The following KIRREL3 variants were observed in gnomAD, a reference collection of about 807,000 sequenced individuals.
KIRREL3 encodes the protein kirre like nephrin family adhesion molecule 3.
In KIRREL3, 36 loss-of-function variants were observed where a neutral mutation model predicts 89.7. That is an observed-to-expected ratio of 0.40 (90% CI 0.31 to 0.53). KIRREL3 has a LOEUF of 0.53. Among genes scored for constraint, KIRREL3 ranks in the 20% least tolerant of loss-of-function variants. KIRREL3 has a pLI of 0.49. For synonymous variants in KIRREL3, 445 were observed against 441.4 expected, an observed-to-expected ratio of 1.01 and a Z score of -0.10; for missense variants, 864 against 1,056.6, an observed-to-expected ratio of 0.82 and a Z score of 2.53.
rs1314757504 is a variant in KIRREL3, at chr11:126,685,617, G to A, written c.56-122705C>T. On this transcript the variant is annotated intron_variant, in intron 1 of 16. Coordinates refer to ENST00000525144, the MANE Select transcript of KIRREL3 (RefSeq NM_032531.4). This position sits in a 1 kb window ranked among gnomAD's most constrained non-coding sequence, Gnocchi z 5.5. ...CCAGGGCAGGCTTGGCACTTCCCAG[G>A]ATTACAGTCATAATGGTAACAGATA... Among the ~76,000 whole-genome samples the A allele has an allele frequency of 1.3e-5, 2 of 152,184 alleles. No individual in the cohort carries two copies.
intron 1 of KIRREL3, among the ~76,000 whole-genome samples, chr11:126,893,556 C>A (rs533997768): frequency 6.6e-6 from 1 of 152,268 alleles, no homozygotes; most frequent in East Asian, 1.9e-4. Context: ...GAACCGGCCA[C>A]CTGAAGGTCT....
At position 126,650,110 on chromosome 11, in the gene KIRREL3, G is replaced by A. The variant is rs374714694; in HGVS notation, c.56-87198C>T. Among the ~76,000 whole-genome samples, 19 of 152,310 alleles carry A rather than the reference G, an allele frequency of 1.2e-4. No homozygotes were observed. In the South Asian group the frequency reaches 3.9e-3, roughly 32 times the overall value. On this transcript the variant is annotated intron_variant, in intron 1 of 16. Coordinates refer to ENST00000525144, the MANE Select transcript of KIRREL3 (RefSeq NM_032531.4). ...CTTTCAGCCATGGCTGTAGCGGCTGGGATGCAGGGCACCAAGTCCCTAGGC... is the reference window on the plus strand; with the variant it reads ...CTTTCAGCCATGGCTGTAGCGGCTGAGATGCAGGGCACCAAGTCCCTAGGC...
chr11:126,473,064 CCCCACCATCCTCTTCTCTACCT>C, intron 5 of KIRREL3, among the ~76,000 whole-genome samples: 1 of 96,254 alleles, frequency 1.0e-5, no homozygotes, highest in East Asian at 3.5e-4. Flanking sequence ...TCTCCCCAGC[CCCCACCATCCTCTTCTCTACCT>C]AACCCCCCAG....
chr11:126,429,407 G>T lies in KIRREL3; in HGVS notation c.1697-119C>A. 2 of 692,326 alleles carry T rather than the reference G, an allele frequency of 2.9e-6. No homozygotes were observed. Among genetic ancestry groups the T allele is most frequent in the South Asian group, 1.6e-5 (1 of 62,726 alleles). 42.9% of individuals were successfully genotyped at this position (692,326 alleles called of 1,614,324 possible). ...CCTCTGCATTTCCCCTCCAGCCCCT[G>T]AACTCAGCAGCTTCACCAGCCCCCC... On this transcript the variant is annotated intron_variant, in intron 14 of 16. Coordinates refer to ENST00000525144, the MANE Select transcript of KIRREL3 (RefSeq NM_032531.4). This position sits in a 1 kb window ranked among gnomAD's most constrained non-coding sequence, Gnocchi z 5.2.
rs979160484 is a variant in KIRREL3 at position 126,537,758 on chromosome 11, A to G, written c.134-11071T>C. 9.2e-5 allele frequency among the ~76,000 whole-genome samples: 14 copies of G among 152,228 alleles called. No homozygotes were observed. The highest frequency in any genetic ancestry group is 3.4e-4 in the African/African-American group (14 of 41,466). On this transcript the variant is annotated intron_variant, in intron 2 of 16. Transcript: ENST00000525144. This position sits in a 1 kb window ranked among gnomAD's most constrained non-coding sequence, Gnocchi z 4.3. Reference sequence around the variant, plus strand: ...CCTCCCTGGCAAAGCTGCTGTGAGCATGAGAGGTTTTATATGTAAATGATC... The same window carrying G: ...CCTCCCTGGCAAAGCTGCTGTGAGCGTGAGAGGTTTTATATGTAAATGATC...
rs1308913194 is a variant in KIRREL3 at position 126,890,123 on chromosome 11, T to C, written c.55+110332A>G. Among the ~76,000 whole-genome samples, 2 of 152,324 alleles carry C rather than the reference T, an allele frequency of 1.3e-5. No homozygotes were observed. The highest frequency in any genetic ancestry group is 3.9e-4 in the East Asian group (2 of 5,186). ...GGATGGGTCAGTGCAATCTCTGTAG[T>C]TAAATTCTTGAGTTAAAATGAAGAT... On this transcript the variant is annotated intron_variant, in intron 1 of 16. Transcript: ENST00000525144. This position sits in a 1 kb window ranked among gnomAD's most constrained non-coding sequence, Gnocchi z 5.1.
Position 126,719,835 on chromosome 11 carries a change from G to A in KIRREL3, c.56-156923C>T, listed in dbSNP as rs1948103919. Reference sequence around the variant, plus strand: ...GCATCTGTTGAGGCTCCTGAGAGACGCCCTGCTTCTTCCCTGCTTCAGCCT... The same window carrying A: ...GCATCTGTTGAGGCTCCTGAGAGACACCCTGCTTCTTCCCTGCTTCAGCCT... On this transcript the variant is annotated intron_variant, in intron 1 of 16. Coordinates refer to ENST00000525144, the MANE Select transcript of KIRREL3 (RefSeq NM_032531.4). The surrounding 1 kb of genome is among the most constrained non-coding windows in gnomAD (Gnocchi z 4.7). 6.6e-6 allele frequency among the ~76,000 whole-genome samples: 1 copy of A among 152,128 alleles called. No homozygotes were observed. The highest frequency in any genetic ancestry group is 2.4e-5 in the African/African-American group (1 of 41,394).
At chr11:126,850,164 C>T (rs957285875) in intron 1 of KIRREL3, among the ~76,000 whole-genome samples, 12 of 152,330 alleles carry the variant, frequency 7.9e-5, no homozygotes, top group African/African-American at 2.6e-4. Context: ...GCGGAGACAA[C>T]AGCTCCCATC....
At chr11:126,542,153 T>C (rs1939299) in intron 2 of KIRREL3, among the ~76,000 whole-genome samples, 8,431 of 152,300 alleles carry the variant, frequency 0.055, 687 homozygotes, top group African/African-American at 0.18. Context: ...CGGCGTGCAC[T>C]GAGTGACTCA....
chr11:126,714,517 C>A (rs916838305), intron 1 of KIRREL3, among the ~76,000 whole-genome samples: 2 of 152,198 alleles, frequency 1.3e-5, no homozygotes, highest in South Asian at 4.1e-4. Flanking sequence ...CTCATTCTGT[C>A]TTGGGCAAAT....
intron 1 of KIRREL3, among the ~76,000 whole-genome samples, chr11:126,859,045 G>A (rs1462270427): frequency 6.6e-6 from 1 of 152,188 alleles, no homozygotes; most frequent in African/African-American, 2.4e-5. Context: ...TTCATGTGCT[G>A]CTGAGGCACA....
At chr11:126,572,236 G>T (rs1940987912) in intron 1 of KIRREL3, among the ~76,000 whole-genome samples, 1 of 152,216 alleles carries the variant, frequency 6.6e-6, no homozygotes, top group Non-Finnish European at 1.5e-5. Flanking sequence ...CTGCCTCCAA[G>T]TATTCCCTTC....
intron 1 of KIRREL3, among the ~76,000 whole-genome samples, chr11:126,849,784 C>T (rs1435738623): frequency 8.5e-5 from 13 of 152,192 alleles, no homozygotes; most frequent in South Asian, 2.1e-4. Context: ...GTCACAGGTG[C>T]GGCTTTTCCA....
At chr11:126,945,807 T>C (rs556978632) in intron 1 of KIRREL3, among the ~76,000 whole-genome samples, 2 of 152,334 alleles carry the variant, frequency 1.3e-5, no homozygotes, top group African/African-American at 4.8e-5. Flanking sequence ...TTTCCAAGCT[T>C]CTGTTAGTAT....
chr11:126,673,402 G>T (rs1027120291), intron 1 of KIRREL3, among the ~76,000 whole-genome samples: 9 of 152,302 alleles, frequency 5.9e-5, no homozygotes, highest in African/African-American at 2.2e-4. Flanking sequence ...TTTAACTCTG[G>T]TCACTTTGGA....
At position 126,685,181 on chromosome 11, in the gene KIRREL3, G is replaced by T. The variant is rs1946620513; in HGVS notation, c.56-122269C>A. 6.6e-6 allele frequency among the ~76,000 whole-genome samples: 1 copy of T among 152,214 alleles called. No homozygotes were observed. The highest frequency in any genetic ancestry group is 2.4e-5 in the African/African-American group (1 of 41,440). The stretch of plus-strand genomic sequence containing the variant: ...CAGTGTGACAAGGATTGAGAGGTGT[G>T]CTCAAGATGTGCTGAGAGCAGAGGA... On this transcript the variant is annotated intron_variant, in intron 1 of 16. Coordinates refer to ENST00000525144, the MANE Select transcript of KIRREL3 (RefSeq NM_032531.4). This position sits in a 1 kb window ranked among gnomAD's most constrained non-coding sequence, Gnocchi z 5.5.
chr11:126,437,480 T>G (rs1035976024), intron 11 of KIRREL3, among the ~76,000 whole-genome samples: 1 of 151,940 alleles, frequency 6.6e-6, no homozygotes, highest in South Asian at 2.1e-4. Flanking sequence ...AACATGCATA[T>G]GCAAGTACAT....
In KIRREL3 at chr11:126,441,127, C is replaced by A. The variant is rs1324646078; in HGVS notation, c.1253-578G>T. On this transcript the variant is annotated intron_variant, in intron 10 of 16. Coordinates refer to ENST00000525144, the MANE Select transcript of KIRREL3 (RefSeq NM_032531.4). This position sits in a 1 kb window ranked among gnomAD's most constrained non-coding sequence, Gnocchi z 5.0. Reference sequence around the variant, plus strand: ...ACCCCGGACAGGGGGAATGCATGCGCTGGCCGTGTTCACAGCCCTCCTCCC... The same window carrying A: ...ACCCCGGACAGGGGGAATGCATGCGATGGCCGTGTTCACAGCCCTCCTCCC... Among the ~76,000 whole-genome samples the A allele has an allele frequency of 6.6e-6, 1 of 152,256 alleles. No homozygotes were observed. The highest frequency in any genetic ancestry group is 2.4e-5 in the African/African-American group (1 of 41,474).
rs760926429 is a variant in KIRREL3, at chr11:126,639,517, G to C, written c.56-76605C>G. On this transcript the variant is annotated intron_variant, in intron 1 of 16. Coordinates refer to ENST00000525144, the MANE Select transcript of KIRREL3 (RefSeq NM_032531.4). This position sits in a 1 kb window ranked among gnomAD's most constrained non-coding sequence, Gnocchi z 4.3. ...CAATGTGGCAGCTTCTAATCCAGGAGAGTTAAGAAGGCAGATGCTAACCAA... is the reference window on the plus strand; with the variant it reads ...CAATGTGGCAGCTTCTAATCCAGGACAGTTAAGAAGGCAGATGCTAACCAA... 6.6e-6 allele frequency among the ~76,000 whole-genome samples: 1 copy of C among 152,156 alleles called. No individual in the cohort carries two copies. Among genetic ancestry groups the C allele is most frequent in the Admixed American group, 6.5e-5 (1 of 15,272 alleles).
Sources: gnomAD v4.1 joint callset for allele counts (sites outside exome capture counted in the v4.1 genomes callset) on GRCh38, gnomAD v4.1.1 for gene constraint, Gnocchi (gnomAD v3.1) non-coding constraint, MANE v1.5 for transcripts, NCBI Gene and HGNC (gene_info 2026-07-23, HGNC 2026-07-21) for gene names.